The following CDH12 variants were observed in gnomAD, a reference collection of about 807,000 sequenced individuals.
CDH12 encodes the protein cadherin 12.
A neutral mutation model predicts 74.1 loss-of-function variants in CDH12; 41 were observed. The observed-to-expected ratio is 0.55, with a 90% CI of 0.43 to 0.72. CDH12 has a LOEUF of 0.72. CDH12 is among the 30% of genes least tolerant of loss of function. The probability of loss-of-function intolerance (pLI) is 0.00; values close to 1 mark genes in which losing one functional copy is unlikely to be tolerated. For synonymous variants in CDH12, 399 were observed against 355.0 expected (o/e 1.12, Z -1.39); for missense variants, 945 against 977.2 (o/e 0.97, Z 0.44).
chr5:22,778,645 T>G (rs1020214646), intron 1 of CDH12, among the ~76,000 whole-genome samples: 1 of 152,200 alleles, frequency 6.6e-6, no homozygotes, highest in Non-Finnish European at 1.5e-5. Flanking sequence ...CTCTTATTTC[T>G]ATTTTTATTC....
intron 5 of CDH12, among the ~76,000 whole-genome samples, chr5:22,003,345 C>A (rs1736718371): frequency 6.6e-6 from 1 of 152,110 alleles, no homozygotes; most frequent in Admixed American, 6.5e-5. Context: ...CCTTGCTATT[C>A]CGTTATCAAA....
chr5:22,682,294 A>G (rs942402317), intron 1 of CDH12, among the ~76,000 whole-genome samples: 2 of 152,136 alleles, frequency 1.3e-5, no homozygotes, highest in Admixed American at 1.3e-4. Flanking sequence ...ATTTGTGGAC[A>G]TTGCCTAGAT....
At chr5:22,761,024 T>C (rs926062950) in intron 1 of CDH12, among the ~76,000 whole-genome samples, 5 of 152,218 alleles carry the variant, frequency 3.3e-5, no homozygotes, top group African/African-American at 1.2e-4. Flanking sequence ...TGCATTCTTA[T>C]ATCATTTTAC....
chr5:22,690,167 TC>T (rs770612496), intron 1 of CDH12, among the ~76,000 whole-genome samples: 23 of 152,148 alleles, frequency 1.5e-4, no homozygotes, highest in Non-Finnish European at 2.9e-4. Flanking sequence ...TTAATGGAAG[TC>T]AATTTATTGC....
chr5:22,696,184 C>A (rs539774840), intron 1 of CDH12, among the ~76,000 whole-genome samples: 1 of 151,778 alleles, frequency 6.6e-6, no homozygotes, highest in Middle Eastern at 3.2e-3. Flanking sequence ...CTGGCTAACA[C>A]AATGAAACCC....
At chr5:22,129,275 T>C (rs1463074353) in intron 4 of CDH12, among the ~76,000 whole-genome samples, 1 of 152,230 alleles carries the variant, frequency 6.6e-6, no homozygotes, top group Non-Finnish European at 1.5e-5. Flanking sequence ...TATCTTCATC[T>C]GTGAAGTAGA....
intron 4 of CDH12, among the ~76,000 whole-genome samples, chr5:22,113,953 C>G (rs1287648593): frequency 1.3e-5 from 2 of 152,134 alleles, no homozygotes; most frequent in Non-Finnish European, 2.9e-5. Flanking sequence ...CTCTGGAGAG[C>G]CGGAGGGAAA....
intron 1 of CDH12, among the ~76,000 whole-genome samples, chr5:22,638,086 C>T (rs1738934440): frequency 6.6e-6 from 1 of 152,160 alleles, no homozygotes; most frequent in Non-Finnish European, 1.5e-5. Context: ...ACAGCCAATA[C>T]AACACTCATC....
At chr5:22,603,751 T>C (rs112643269) in intron 1 of CDH12, among the ~76,000 whole-genome samples, 1 of 152,126 alleles carries the variant, frequency 6.6e-6, no homozygotes, top group African/African-American at 2.4e-5. Context: ...GGGGGAGTTA[T>C]AGGTATGAAA....
intron 7 of CDH12, among the ~76,000 whole-genome samples, chr5:21,854,139 A>T (rs191162434): frequency 9.2e-4 from 140 of 151,810 alleles, no homozygotes; most frequent in African/African-American, 3.3e-3. Flanking sequence ...TCAATTAACA[A>T]TGGGACTGGA....
chr5:22,396,372 GAAGCTA>G (rs1444928043), intron 3 of CDH12, among the ~76,000 whole-genome samples: 1 of 152,086 alleles, frequency 6.6e-6, no homozygotes, highest in African/African-American at 2.4e-5. Flanking sequence ...TGATGCACTA[GAAGCTA>G]ATGCTATGAC....
chr5:22,054,278 A>G (rs895279750), intron 5 of CDH12, among the ~76,000 whole-genome samples: 1 of 152,164 alleles, frequency 6.6e-6, no homozygotes, highest in Non-Finnish European at 1.5e-5. Context: ...TATAAAAGTT[A>G]TAGGTATTTT....
At chr5:21,846,533 T>TTAG (rs1461750963) in intron 7 of CDH12, among the ~76,000 whole-genome samples, 1 of 152,142 alleles carries the variant, frequency 6.6e-6, no homozygotes, top group Non-Finnish European at 1.5e-5. Context: ...CCATAATTTT[T>TTAG]TAGTTCACTG....
intron 3 of CDH12, among the ~76,000 whole-genome samples, chr5:22,271,129 A>G (rs1324345551): frequency 6.6e-6 from 1 of 152,168 alleles, no homozygotes; most frequent in East Asian, 1.9e-4. Flanking sequence ...AACTTCTTTC[A>G]ATATTGGAGT....
intron 9 of CDH12, among the ~76,000 whole-genome samples, chr5:21,816,175 C>T (rs1748029557): frequency 2.0e-5 from 3 of 152,112 alleles, no homozygotes; most frequent in Non-Finnish European, 2.9e-5. Context: ...CCAGCCCCTC[C>T]TCTTCCTCCT....
chr5:22,236,062 A>T (rs558368135), intron 3 of CDH12, among the ~76,000 whole-genome samples: 1 of 152,272 alleles, frequency 6.6e-6, no homozygotes. Context: ...AGAAAAGATT[A>T]AAAATGGCAT....
intron 4 of CDH12, among the ~76,000 whole-genome samples, chr5:22,188,417 T>C (rs1750088763): frequency 6.6e-6 from 1 of 151,976 alleles, no homozygotes; most frequent in Admixed American, 6.6e-5. Flanking sequence ...CTCTATTCTT[T>C]ACTAATTACC....
At chr5:22,432,720 C>A (rs925916183) in intron 2 of CDH12, among the ~76,000 whole-genome samples, 2 of 152,214 alleles carry the variant, frequency 1.3e-5, no homozygotes, top group East Asian at 3.9e-4. Flanking sequence ...AAGTCTAAAG[C>A]TCACTTCATA....
chr5:22,051,673 A>C (rs1740379051), intron 5 of CDH12, among the ~76,000 whole-genome samples: 1 of 152,134 alleles, frequency 6.6e-6, no homozygotes, highest in South Asian at 2.1e-4. Context: ...TCTTTTATCC[A>C]CCAAAAATTA....
Sources: gnomAD v4.1 joint callset for allele counts (sites outside exome capture counted in the v4.1 genomes callset) on GRCh38, gnomAD v4.1.1 for gene constraint, MANE v1.5 for transcripts, NCBI Gene and HGNC (gene_info 2026-07-23, HGNC 2026-07-21) for gene names.